Variants in CERT1 observed in about 807,000 individuals in gnomAD.
CERT1 encodes ceramide transporter 1, also known as ceramide transfer protein.
Under a neutral mutation model 87.9 loss-of-function variants are expected in CERT1, and 31 were observed. The ratio of observed to expected loss-of-function variants is 0.35; its 90% CI spans 0.27 to 0.48. The LOEUF (loss-of-function observed/expected upper bound fraction) is 0.48, where lower values mean the gene tolerates loss of function less well. Ranked by LOEUF, CERT1 falls within the 20% of genes least tolerant of loss-of-function variation. The pLI is 0.99. For synonymous variants in CERT1, 289 were observed against 250.9 expected (o/e 1.15, Z -1.44); for missense variants, 487 against 758.0 (o/e 0.64, Z 4.20).
At chr5:75,467,357 T>C (rs1257446305) in intron 2 of CERT1, among the ~76,000 whole-genome samples, 2 of 152,062 alleles carry the variant, frequency 1.3e-5, no homozygotes, top group African/African-American at 4.8e-5. Flanking sequence ...AGGTAGCATA[T>C]GAAGCCGGAC....
chr5:75,465,230 T>C (rs1020421264), intron 2 of CERT1, among the ~76,000 whole-genome samples: 2 of 152,140 alleles, frequency 1.3e-5, no homozygotes, highest in African/African-American at 2.4e-5. Flanking sequence ...AGAAAAATGG[T>C]TGGCTGATTT....
At chr5:75,511,803 G>A (rs570834305), upstream of CERT1, 14 of 1,551,516 alleles carry the variant, frequency 9.0e-6, no homozygotes, top group Middle Eastern at 1.7e-4. Flanking sequence ...CAGGAGGAGC[G>A]GAGAAAGGAG....
chr5:75,444,066 G>C (rs1764432731), intron 3 of CERT1, among the ~76,000 whole-genome samples: 1 of 151,994 alleles, frequency 6.6e-6, no homozygotes, highest in South Asian at 2.1e-4. Context: ...GCATATAGTT[G>C]ATCATTTTTT....
intron 2 of CERT1, among the ~76,000 whole-genome samples, chr5:75,485,667 AAAAGGG>A (rs1283301968): frequency 1.3e-5 from 2 of 152,114 alleles, no homozygotes; most frequent in African/African-American, 4.8e-5. Context: ...ATCAGAGATG[AAAAGGG>A]AGACATTATA....
intron 3 of CERT1, among the ~76,000 whole-genome samples, chr5:75,448,824 C>A (rs1359824617): frequency 1.3e-5 from 2 of 152,082 alleles, no homozygotes; most frequent in East Asian, 3.9e-4. Flanking sequence ...TTAATATCTT[C>A]TGTAAGAATT....
At position 75,511,379 on chromosome 5, in the gene CERT1, C is replaced by G. The variant is rs1005874888; in HGVS notation, c.-172G>C. The G allele has an allele frequency of 7.8e-6, 12 of 1,546,782 alleles. No individual in the cohort carries two copies. The highest frequency in any genetic ancestry group is 5.9e-5 in the Admixed American group (3 of 50,938). On this transcript the variant is annotated 5_prime_UTR_variant, in exon 1 of 17. Transcript: ENST00000643780. ...TCCGCCCGCCGCGCCGCCGCCGCGCCTGACACCGAGCGGAGCGAGGAAGGA... is the reference window on the plus strand; with the variant it reads ...TCCGCCCGCCGCGCCGCCGCCGCGCGTGACACCGAGCGGAGCGAGGAAGGA...
At chr5:75,415,765 TG>T (rs1202906394) in intron 7 of CERT1, among the ~76,000 whole-genome samples, 3 of 152,042 alleles carry the variant, frequency 2.0e-5, no homozygotes, top group African/African-American at 7.2e-5. Flanking sequence ...TTCAATACAT[TG>T]TTTTTTTTTT....
At chr5:75,388,907 T>C (rs1235641977) in intron 12 of CERT1, among the ~76,000 whole-genome samples, 2 of 152,064 alleles carry the variant, frequency 1.3e-5, no homozygotes, top group Non-Finnish European at 2.9e-5. Context: ...ATTACAGGCA[T>C]AGCCACTGTG....
chr5:75,383,409 T>A (rs989566337), intron 14 of CERT1, among the ~76,000 whole-genome samples: 2 of 152,146 alleles, frequency 1.3e-5, no homozygotes, highest in African/African-American at 4.8e-5. Context: ...TTGTTTTCCA[T>A]GATGGATTAT....
rs183382133 is a variant in CERT1 at position 75,456,589 on chromosome 5, G to A, written c.348+2476C>T. Among the ~76,000 whole-genome samples the A allele has an allele frequency of 2.9e-3, 427 of 145,806 alleles. 4 individuals are homozygous for A. Among genetic ancestry groups the A allele is most frequent in the African/African-American group, 1.0e-2 (393 of 39,412 alleles). On this transcript the variant is annotated intron_variant, in intron 3 of 16. Coordinates refer to ENST00000643780, the MANE Select transcript of CERT1 (RefSeq NM_001379029.1). ...CTTGGGAGGCTAAGGTGAGAGGATC[G>A]TTTGAACCGAGGAGGCAGAGGCTGA... is the stretch of plus-strand genomic sequence containing the variant.
At chr5:75,474,037 G>T (rs1257357309) in intron 2 of CERT1, among the ~76,000 whole-genome samples, 1 of 152,118 alleles carries the variant, frequency 6.6e-6, no homozygotes, top group Non-Finnish European at 1.5e-5. Context: ...CCGGCACCAG[G>T]CCCAAAACTG....
Position 75,389,665 on chromosome 5 carries a change from T to A in CERT1, c.1211A>T (p.His404Leu). 1 of 1,614,090 alleles carries A rather than the reference T, an allele frequency of 6.2e-7. No homozygotes were observed. Among genetic ancestry groups the A allele is most frequent in the Non-Finnish European group, 8.5e-7 (1 of 1,179,952 alleles). Reference sequence around the variant, plus strand: ...TACATCCTGTAATGAGTAAGTCATGTGGTTCTGCACCATCTCTTCAACCTT... The same window carrying A: ...TACATCCTGTAATGAGTAAGTCATGAGGTTCTGCACCATCTCTTCAACCTT... ...SSQVEEMVQN[H>L]MTYSLQDVGG... Residue 404 changes from histidine (H) to leucine (L), a missense_variant, in exon 12 of 17, where the codon CAC (histidine) becomes CTC (leucine). Around this residue, in one of 8 missense-constraint regions of CERT1, gnomAD observed 91 missense variants for 86.7 expected, o/e 1.05. Transcript: ENST00000643780.
chr5:75,385,822 T>C (rs1761763369), intron 13 of CERT1, 80 bp downstream of exon 13: 1 of 1,080,712 alleles, frequency 9.3e-7, no homozygotes, highest in Admixed American at 3.8e-5. Flanking sequence ...GTAAACTATG[T>C]AGGAGATGCA....
Position 75,506,067 on chromosome 5 carries a change from T to C in CERT1, c.146A>G (p.Asn49Ser), listed in dbSNP as rs1403243756. ...GWQDRWVVLK[N>S]NALSYYKSED... ...AGATTTGTAGTAACTCAGAGCATTA[T>C]TTTTCAAAACTACCCAACGATCCTG... The change falls in exon 2 of 17, where the codon AAT becomes AGT. Residue 49 changes from asparagine (N) to serine (S), a missense_variant. By Grantham distance (46) the Asn-to-Ser change is conservative. Transcript: ENST00000643780. 2.5e-6 allele frequency: 4 copies of C among 1,613,122 alleles called. No individual in the cohort carries two copies. The highest frequency in any genetic ancestry group is 1.3e-5 in the African/African-American group (1 of 74,876).
chr5:75,506,647 A>T lies in CERT1; in HGVS notation c.97-531T>A, dbSNP rs557561671. Among the ~76,000 whole-genome samples, 3 of 152,322 alleles carry T rather than the reference A, an allele frequency of 2.0e-5. No individual in the cohort carries two copies. In the East Asian group the frequency reaches 5.8e-4, roughly 29 times the overall value. Reference sequence around the variant, plus strand: ...ATGAAAATTTATAACAGCTGTAACTATATCAAAATAAAAATAATAATCTTT... The same window carrying T: ...ATGAAAATTTATAACAGCTGTAACTTTATCAAAATAAAAATAATAATCTTT... On this transcript the variant is annotated intron_variant, in intron 1 of 16. Transcript: ENST00000643780.
chr5:75,400,012 A>G (rs1366585923), intron 10 of CERT1, among the ~76,000 whole-genome samples, 193 bp downstream of exon 10: 3 of 152,150 alleles, frequency 2.0e-5, no homozygotes, highest in Non-Finnish European at 2.9e-5. Flanking sequence ...CATGCCTGTA[A>G]TCCCAGCTAC....
intron 3 of CERT1, among the ~76,000 whole-genome samples, chr5:75,433,067 T>C (rs1173232957): frequency 6.6e-6 from 1 of 152,248 alleles, no homozygotes; most frequent in Non-Finnish European, 1.5e-5. Flanking sequence ...TGTCTGTTTT[T>C]GTACCAGTAC....
At chr5:75,457,913 T>C (rs200823803) in intron 3 of CERT1, among the ~76,000 whole-genome samples, 2,723 of 127,278 alleles carry the variant, frequency 0.021, 33 homozygotes, top group African/African-American at 0.031. Context: ...GGCGCGCGTG[T>C]GTGTGTGTGT....
chr5:75,416,424 C>A (rs946740001), intron 7 of CERT1, among the ~76,000 whole-genome samples: 25 of 152,092 alleles, frequency 1.6e-4, no homozygotes, highest in African/African-American at 5.6e-4. Context: ...GAACATAGGG[C>A]AAATGCTCAA....
Sources: gnomAD v4.1 joint callset for allele counts (sites outside exome capture counted in the v4.1 genomes callset) on GRCh38, gnomAD v4.1.1 for gene constraint, gnomAD v4.1.1 regional missense constraint, MANE v1.5 for transcripts, NCBI Gene and HGNC (gene_info 2026-07-23, HGNC 2026-07-21) for gene names.